The following CASKIN1 variants were observed in gnomAD, a reference collection of about 807,000 sequenced individuals.
The protein encoded by CASKIN1 is CASK interacting protein 1, also known as caskin-1.
In CASKIN1, 42 loss-of-function variants were observed where a neutral mutation model predicts 117.5. That is an observed-to-expected ratio of 0.36 (90% CI 0.28 to 0.46). CASKIN1 has a LOEUF of 0.46. Among genes scored for constraint, CASKIN1 ranks in the 20% least tolerant of loss-of-function variants. The pLI, the probability that CASKIN1 is intolerant of heterozygous loss-of-function variation, is 1.00. For missense variants in CASKIN1, 2,083 were observed against 2,077.3 expected, an observed-to-expected ratio of 1.00 and a Z score of -0.05; for synonymous variants, 1,148 against 961.7, an observed-to-expected ratio of 1.19 and a Z score of -3.59.
rs375575911 is a variant in CASKIN1 at position 2,185,217 on chromosome 16, C to T, written c.1151-18G>A. On this transcript the variant is annotated intron_variant, in intron 11 of 19. Coordinates refer to ENST00000343516, the MANE Select transcript of CASKIN1 (RefSeq NM_020764.4). ...GTCCCCACCTGCCAGCACAAGGGAGCAAGATGAGGCCAGTGCCGGCCCCTG... is the reference window on the plus strand; with the variant it reads ...GTCCCCACCTGCCAGCACAAGGGAGTAAGATGAGGCCAGTGCCGGCCCCTG... 2.9e-4 allele frequency: 462 copies of T among 1,610,960 alleles called. No individual in the cohort carries two copies. Among genetic ancestry groups the T allele is most frequent in the Non-Finnish European group, 3.6e-4 (424 of 1,179,030 alleles).
Position 2,182,352 on chromosome 16 carries a change from C to T in CASKIN1, c.1630-423G>A, listed in dbSNP as rs962789102. ...GTGCACAGGCACCAGCACCCCATCC[C>T]GTTTCACACTCTGACCTCTCACCCA... On this transcript the variant is annotated intron_variant, in intron 16 of 19. Transcript: ENST00000343516. This position sits in a 1 kb window ranked among gnomAD's most constrained non-coding sequence, Gnocchi z 4.1. Among the ~76,000 whole-genome samples the T allele has an allele frequency of 1.1e-4, 17 of 152,028 alleles. No individual in the cohort carries two copies. Among genetic ancestry groups the T allele is most frequent in the African/African-American group, 3.1e-4 (13 of 41,384 alleles).
chr16:2,190,527 C>T (rs973906850), intron 1 of CASKIN1, among the ~76,000 whole-genome samples, 169 bp from the exon 2 acceptor site: 11 of 152,220 alleles, frequency 7.2e-5, no homozygotes, highest in East Asian at 1.9e-4. Flanking sequence ...AGCTCTGCCC[C>T]GCAGCCTGCC....
At position 2,179,349 on chromosome 16, in the gene CASKIN1, C is replaced by G; in HGVS notation, c.3776-24G>C. On this transcript the variant is annotated intron_variant, in intron 18 of 19. Transcript: ENST00000343516. This position sits in a 1 kb window ranked among gnomAD's most constrained non-coding sequence, Gnocchi z 5.8. ...CTCTGCGGGGAGGACCACGCTGGCA[C>G]CGAGCGGGCACGAGTTCCGCCGCCG... 7.6e-7 allele frequency: 1 copy of G among 1,317,960 alleles called. No individual in the cohort carries two copies. Among genetic ancestry groups the G allele is most frequent in the Non-Finnish European group, 9.6e-7 (1 of 1,039,562 alleles). The allele number at this position is 1,317,960 out of a possible 1,614,324, so 81.6% of individuals were successfully genotyped here.
At chr16:2,189,201 C>T (rs2093193681) in intron 5 of CASKIN1, 37 bp downstream of exon 5, 1 of 1,612,538 alleles carries the variant, frequency 6.2e-7, no homozygotes, top group African/African-American at 1.3e-5. Flanking sequence ...TGTGGGGCTC[C>T]CCAGCCCCAC....
chr16:2,190,224 G>C, intron 2 of CASKIN1, 54 bp from the exon 3 acceptor site: 3 of 1,599,796 alleles, frequency 1.9e-6, no homozygotes, highest in Admixed American at 1.7e-5. Flanking sequence ...CGGCCTTCCC[G>C]GCACCCTGCC....
At chr16:2,192,313 AAAG>A (rs1391018465) in intron 1 of CASKIN1, among the ~76,000 whole-genome samples, 4 of 151,814 alleles carry the variant, frequency 2.6e-5, no homozygotes, top group African/African-American at 4.8e-5. Context: ...AAAAAAAAAA[AAAG>A]GAGAGAGAAC....
At position 2,196,364 on chromosome 16, in the gene CASKIN1, C is replaced by T; in HGVS notation, c.69G>A (p.Leu23=). The T allele has an allele frequency of 7.4e-7, 1 of 1,350,018 alleles. No individual in the cohort carries two copies. The highest frequency in any genetic ancestry group is 2.5e-5 in the Admixed American group (1 of 40,632). The allele number at this position is 1,350,018 out of a possible 1,614,324, so 83.6% of individuals were successfully genotyped here. Residue 23 remains leucine, a synonymous_variant, in exon 1 of 20, where the codon CTG becomes CTA. Coordinates refer to ENST00000343516, the MANE Select transcript of CASKIN1 (RefSeq NM_020764.4). The surrounding 1 kb of genome is among the most constrained non-coding windows in gnomAD (Gnocchi z 5.7). Reference sequence around the variant, plus strand: ...TGGCCTTCCCGGGCCGCGGCCTCTGCAGCAGCCTCTGCGCGGTCCCTACGT... The same window carrying T: ...TGGCCTTCCCGGGCCGCGGCCTCTGTAGCAGCCTCTGCGCGGTCCCTACGT... ...AEDVGTAQRL[L]QRPRPGKAKL...
intron 6 of CASKIN1, 61 bp downstream of exon 6, chr16:2,188,966 C>T: frequency 6.4e-7 from 1 of 1,556,978 alleles, no homozygotes; most frequent in Non-Finnish European, 8.7e-7. Flanking sequence ...GCCCTGAGCC[C>T]CAGGCTGCTG....
chr16:2,178,991 C>CCGGG lies in CASKIN1; in HGVS notation c.4106_4109dup (p.Gln1371ProfsTer210), dbSNP rs2093156287. On this transcript the variant is annotated frameshift_variant, in exon 19 of 20. Transcript: ENST00000343516. LOFTEE classifies it high-confidence loss of function. ...ACGCGCTTGTCTCCTCCAGTTTCTG[C>CCGGG]CGGGCGCTGTCCCCTGGCGAGGCGC... The CCGGG allele has an allele frequency of 7.3e-7, 1 of 1,378,466 alleles. No homozygotes were observed. Among genetic ancestry groups the CCGGG allele is most frequent in the Non-Finnish European group, 9.4e-7 (1 of 1,067,168 alleles). 85.4% of individuals were successfully genotyped at this position (1,378,466 alleles called of 1,614,324 possible).
Position 2,180,132 on chromosome 16 carries a change from C to A in CASKIN1, c.3236G>T (p.Arg1079Leu). 1 of 1,554,496 alleles carries A rather than the reference C, an allele frequency of 6.4e-7. No homozygotes were observed. Among genetic ancestry groups the A allele is most frequent in the Non-Finnish European group, 8.7e-7 (1 of 1,150,124 alleles). ...PVTGLLATAR[R>L]GPGESADPGP... ...TGGGTCTGCCGACTCCCCAGGCCCC[C>A]GGCGGGCAGTGGCCAGAAGTCCGGT... is the stretch of plus-strand genomic sequence containing the variant. The change falls in exon 18 of 20, where the codon CGG becomes CTG. Residue 1079 changes from arginine to leucine, a missense_variant. Around this residue, in one of 3 missense-constraint regions of CASKIN1, gnomAD observed 1,818 missense variants for 1,688.9 expected, o/e 1.08. Coordinates refer to ENST00000343516, the MANE Select transcript of CASKIN1 (RefSeq NM_020764.4).
In CASKIN1 at chr16:2,187,416, G is replaced by A. The variant is rs771579261; in HGVS notation, c.663C>T (p.Ser221=). Residue 221 remains serine, a synonymous_variant, in exon 7 of 20, where the codon TCC becomes TCT. Coordinates refer to ENST00000343516, the MANE Select transcript of CASKIN1 (RefSeq NM_020764.4). ...GCGCAGCCTCGTGCAGGGCCGTGCC[G>A]GACTTGGTCTGGCGGTTAATGTCGA... is the stretch of plus-strand genomic sequence containing the variant. The part of the protein sequence containing the change: ...AGIDINRQTK[S]GTALHEAALC... 1.9e-5 allele frequency: 30 copies of A among 1,610,548 alleles called. No homozygotes were observed. Among genetic ancestry groups the A allele is most frequent in the Non-Finnish European group, 2.4e-5 (28 of 1,179,826 alleles).
rs1052390344 is a variant in CASKIN1, at chr16:2,180,467, C to T, written c.2901G>A (p.Val967=). The T allele has an allele frequency of 3.2e-6, 5 of 1,553,064 alleles. No individual in the cohort carries two copies. The highest frequency in any genetic ancestry group is 3.8e-5 in the Admixed American group (2 of 53,224). The change falls in exon 18 of 20, where the codon GTG becomes GTA. Residue 967 remains valine, a synonymous_variant. Transcript: ENST00000343516. ...GGCCATCCTCAGGCTCGGCGTCAGG[C>T]ACCGGCTCATCCGCCAGGTTGGCAC... ...LASANLADEP[V]PDAEPEDGLL...
In CASKIN1 at chr16:2,179,405, T is replaced by A. The variant is rs759388484; in HGVS notation, c.3776-80A>T. On this transcript the variant is annotated intron_variant, in intron 18 of 19. Transcript: ENST00000343516. The surrounding 1 kb of genome is among the most constrained non-coding windows in gnomAD (Gnocchi z 5.8). Reference sequence around the variant, plus strand: ...CCTGCCCCAGCCTCCCGCGGCTTCCTCCCCAGCGGACCGGGAAAGACCCTG... The same window carrying A: ...CCTGCCCCAGCCTCCCGCGGCTTCCACCCCAGCGGACCGGGAAAGACCCTG... 42 of 1,306,728 alleles carry A rather than the reference T, an allele frequency of 3.2e-5. No individual in the cohort carries two copies. Among genetic ancestry groups the A allele is most frequent in the Non-Finnish European group, 3.8e-5 (39 of 1,033,170 alleles). 80.9% of individuals were successfully genotyped at this position (1,306,728 alleles called of 1,614,324 possible).
At position 2,185,157 on chromosome 16, in the gene CASKIN1, C is replaced by T. The variant is rs373420687; in HGVS notation, c.1193G>A (p.Arg398Gln). Reference sequence around the variant, plus strand: ...GTGTAGGGCGTGACCCCCGCTGCCCCGGCCGCCAGCCATGCCGCTAATGCT... The same window carrying T: ...GTGTAGGGCGTGACCCCCGCTGCCCTGGCCGCCAGCCATGCCGCTAATGCT... ...SGSISGMAGG[R>Q]GSGGHALHAG... The change falls in exon 12 of 20, where the codon CGG becomes CAG. Residue 398 changes from arginine to glutamine, a missense_variant. By Grantham distance (43) the Arg-to-Gln change is conservative. Transcript: ENST00000343516. 9.6e-5 allele frequency: 155 copies of T among 1,608,772 alleles called. No homozygotes were observed. The African/African-American group carries it at 1.5e-3, about 16-fold the overall frequency.
At position 2,179,079 on chromosome 16, in the gene CASKIN1, T is replaced by G; in HGVS notation, c.4022A>C (p.Lys1341Thr). The change falls in exon 19 of 20, where the codon AAG (lysine) becomes ACG (threonine). Residue 1341 changes from lysine (K) to threonine (T), a missense_variant. By Grantham distance (78) the Lys-to-Thr change is moderately conservative (BLOSUM62 -1). This residue lies in a region of CASKIN1 where 1,818 missense variants were observed against 1,688.9 expected (regional missense o/e 1.08). Coordinates refer to ENST00000343516, the MANE Select transcript of CASKIN1 (RefSeq NM_020764.4). This position sits in a 1 kb window ranked among gnomAD's most constrained non-coding sequence, Gnocchi z 5.8. The stretch of plus-strand genomic sequence containing the variant: ...GGCGGCGGCGGCGGCTCGCGGGGGC[T>G]TGGCGGGCACGTGCAGCGCGGGCGC... Reference protein sequence around the residue: ...PGAPALHVPAKPPRAAAAAAA... With the variant: ...PGAPALHVPATPPRAAAAAAA... 2 of 981,806 alleles carry G rather than the reference T, an allele frequency of 2.0e-6. No individual in the cohort carries two copies. The highest frequency in any genetic ancestry group is 2.4e-6 in the Non-Finnish European group (2 of 830,698). 60.8% of individuals were successfully genotyped at this position (981,806 alleles called of 1,614,324 possible).
At position 2,183,674 on chromosome 16, in the gene CASKIN1, A is replaced by G; in HGVS notation, c.1601T>C (p.Ile534Thr). 3 of 1,613,216 alleles carry G rather than the reference A, an allele frequency of 1.9e-6. No individual in the cohort carries two copies. In the South Asian group the frequency reaches 3.3e-5, roughly 18 times the overall value. Residue 534 changes from isoleucine to threonine, a missense_variant, in exon 16 of 20, where the codon ATC (isoleucine) becomes ACC (threonine). Coordinates refer to ENST00000343516, the MANE Select transcript of CASKIN1 (RefSeq NM_020764.4). ...TTTGTGCTCAGGCAGCCAGTCAGGG[A>G]TGCTTAGGCCGCTGATCTCTGCCGC... ...KIAAEISGLSIPDWLPEHKPA... is the reference protein window; with the variant it reads ...KIAAEISGLSTPDWLPEHKPA...
rs746356240 is a variant in CASKIN1 at position 2,185,268 on chromosome 16, G to A, written c.1150+39C>T. ...CCTGGCCCCACGGTGGTGCCTTGTG[G>A]AAGTCCTGCCACCTCTGCCCTTCAG... On this transcript the variant is annotated intron_variant, in intron 11 of 19. Transcript: ENST00000343516. 8 of 1,598,148 alleles carry A rather than the reference G, an allele frequency of 5.0e-6. No individual in the cohort carries two copies. In the South Asian group the frequency reaches 7.8e-5, roughly 15 times the overall value.
intron 1 of CASKIN1, among the ~76,000 whole-genome samples, chr16:2,194,726 C>G: frequency 6.6e-6 from 1 of 152,142 alleles, no homozygotes; most frequent in East Asian, 1.9e-4. Flanking sequence ...TCTCTCCTGT[C>G]CCAGAGGCCA....
At chr16:2,184,654 G>A in intron 14 of CASKIN1, 123 bp downstream of exon 14, 2 of 716,726 alleles carry the variant, frequency 2.8e-6, no homozygotes, top group Non-Finnish European at 4.2e-6. Flanking sequence ...GAGAGGGTCT[G>A]GCCTGGCAAT....
Sources: allele counts gnomAD v4.1 joint callset (sites outside exome capture counted in the v4.1 genomes callset), GRCh38; gene constraint gnomAD v4.1.1; regional missense constraint gnomAD v4.1.1; non-coding constraint Gnocchi (gnomAD v3.1); transcripts MANE v1.5; gene names NCBI Gene and HGNC (gene_info 2026-07-23, HGNC 2026-07-21).